FAM13B: variants seen among roughly 807,000 people sequenced by gnomAD.
FAM13B encodes protein FAM13B.
Under a neutral mutation model 117.3 loss-of-function variants are expected in FAM13B, and 60 were observed. The observed-to-expected ratio is 0.51, with a 90% CI of 0.42 to 0.63. FAM13B has a LOEUF of 0.63. Ranked by LOEUF, FAM13B falls within the 30% of genes least tolerant of loss-of-function variation. FAM13B has a pLI of 0.00. For synonymous variants in FAM13B, 332 were observed against 356.1 expected (o/e 0.93, Z 0.76); for missense variants, 972 against 1,091.9 (o/e 0.89, Z 1.55).
At chr5:137,960,109 A>G (rs566279690) in intron 12 of FAM13B, 57 bp downstream of exon 12, 14 of 1,021,544 alleles carry the variant, frequency 1.4e-5, no homozygotes, top group East Asian at 2.5e-5. Flanking sequence ...AAGACCAGAC[A>G]TAACAGTTTA....
intron 18 of FAM13B, among the ~76,000 whole-genome samples, chr5:137,947,167 C>T (rs367896901): frequency 5.3e-5 from 8 of 152,162 alleles, no homozygotes; most frequent in African/African-American, 1.9e-4. Flanking sequence ...ACAGAATATC[C>T]TTTAACACTA....
intron 10 of FAM13B, among the ~76,000 whole-genome samples, chr5:137,969,944 G>T: frequency 6.6e-6 from 1 of 152,170 alleles, no homozygotes; most frequent in Non-Finnish European, 1.5e-5. Context: ...AAGCCTCCAA[G>T]AAATATGGGA....
chr5:137,985,248 ATTCCTTACCTGGGTAT>A lies in FAM13B; in HGVS notation c.1172_1179+8del, dbSNP rs761037880. 1 of 1,610,456 alleles carries A rather than the reference ATTCCTTACCTGGGTAT, an allele frequency of 6.2e-7. No individual in the cohort carries two copies. Among genetic ancestry groups the A allele is most frequent in the South Asian group, 1.1e-5 (1 of 90,246 alleles). Reference sequence around the variant, plus strand: ...TGTACATCTAACACATATTTTTGACATTCCTTACCTGGGTATTTTCTTCATTCTCAAATACACAATC... The same window carrying A: ...TGTACATCTAACACATATTTTTGACATTTCTTCATTCTCAAATACACAATC... On this transcript the variant is annotated splice_donor_variant and splice_donor_5th_base_variant and coding_sequence_variant and intron_variant, in exon 10 of 24. Transcript: ENST00000689681. LOFTEE classifies it high-confidence loss of function.
chr5:137,962,602 G>A (rs960946838), intron 10 of FAM13B, 133 bp from the exon 11 acceptor site: 4 of 677,290 alleles, frequency 5.9e-6, no homozygotes, highest in East Asian at 2.8e-5. Flanking sequence ...ATAATAGTCT[G>A]TAGTACTTAG....
rs758978701 is a variant in FAM13B, at chr5:137,954,241, T to C, written c.1643A>G (p.Asp548Gly). The part of the protein sequence containing the change: ...CPPVLSHRSL[D>G]FGQSQRFLHD... ...TAGGAAACGCTGGCTTTGACCAAAA[T>C]CTAAACTGCGGTGTGATAATACTGG... is the stretch of plus-strand genomic sequence containing the variant. The change falls in exon 15 of 24, where the codon GAT (aspartate) becomes GGT (glycine). Residue 548 changes from aspartate (D) to glycine (G), a missense_variant. By Grantham distance (94) the Asp-to-Gly change is moderately conservative (BLOSUM62 -1). Coordinates refer to ENST00000689681, the MANE Select transcript of FAM13B (RefSeq NM_001385994.1). 7.4e-6 allele frequency: 12 copies of C among 1,613,824 alleles called. No homozygotes were observed. In the African/African-American group the frequency reaches 1.2e-4, roughly 16 times the overall value.
At chr5:137,982,215 G>T (rs1775966670) in intron 10 of FAM13B, among the ~76,000 whole-genome samples, 1 of 152,160 alleles carries the variant, frequency 6.6e-6, no homozygotes, top group Admixed American at 6.5e-5. Context: ...GAGGATGGCA[G>T]TAGAAACAGT....
In FAM13B at chr5:137,972,447, A is replaced by T. The variant is rs1223440520; in HGVS notation, c.1180-9978T>A. On this transcript the variant is annotated intron_variant, in intron 10 of 23. Coordinates refer to ENST00000689681, the MANE Select transcript of FAM13B (RefSeq NM_001385994.1). ...AAAACTCTCAATAAATTAGGTATTG[A>T]TGGGACGTATCTCAAAATAATAAGA... Among the ~76,000 whole-genome samples the T allele has an allele frequency of 2.1e-3, 312 of 151,360 alleles. 1 individual carries two copies. Among genetic ancestry groups the T allele is most frequent in the Non-Finnish European group, 2.2e-3 (149 of 67,304 alleles).
chr5:138,032,708 C>G (rs1316840039), intron 1 of FAM13B, 74 bp downstream of exon 1: 1 of 985,198 alleles, frequency 1.0e-6, no homozygotes, highest in East Asian at 1.1e-4. Flanking sequence ...CGCTGGGGGG[C>G]AACAGGAGGG....
chr5:137,962,982 C>G (rs765679955), intron 10 of FAM13B, among the ~76,000 whole-genome samples: 6 of 152,228 alleles, frequency 3.9e-5, no homozygotes, highest in East Asian at 1.9e-4. Context: ...CTATTCCCCC[C>G]CAAACTAAAA....
rs1457502693 is a variant in FAM13B at position 137,951,233 on chromosome 5, A to AAAAAT, written c.1930+1394_1930+1395insATTTT. Among the ~76,000 whole-genome samples, 43 of 147,124 alleles carry AAAAAT rather than the reference A, an allele frequency of 2.9e-4. 1 individual carries two copies. Among genetic ancestry groups the AAAAAT allele is most frequent in the Non-Finnish European group, 4.9e-4 (33 of 66,690 alleles). ...ACAAAAAAAAAAAAAAAAAAAAAAA[A>AAAAAT]GGAGAGAGAGAGAGGCAAACATTAT... On this transcript the variant is annotated intron_variant, in intron 17 of 23. Coordinates refer to ENST00000689681, the MANE Select transcript of FAM13B (RefSeq NM_001385994.1).
chr5:137,964,881 T>C (rs777050479), intron 10 of FAM13B, among the ~76,000 whole-genome samples: 91 of 151,916 alleles, frequency 6.0e-4, no homozygotes, highest in Admixed American at 2.0e-3. Context: ...AAACCATCTA[T>C]ATTGGCCAGG....
intron 4 of FAM13B, among the ~76,000 whole-genome samples, chr5:138,012,807 C>T (rs1294526060): frequency 6.6e-6 from 1 of 152,048 alleles, no homozygotes; most frequent in African/African-American, 2.4e-5. Context: ...CTGAAAAACT[C>T]CTGGTAAAAG....
chr5:138,050,488 A>G (rs963075994), intron 1 of FAM13B, among the ~76,000 whole-genome samples: 1 of 152,134 alleles, frequency 6.6e-6, no homozygotes, highest in Non-Finnish European at 1.5e-5. Context: ...CTGACATGCC[A>G]ACCTGAAAGG....
chr5:137,943,014 G>A lies in FAM13B; in HGVS notation c.2449C>T (p.Leu817=). The A allele has an allele frequency of 6.2e-7, 1 of 1,613,256 alleles. No individual in the cohort carries two copies. Among genetic ancestry groups the A allele is most frequent in the East Asian group, 2.2e-5 (1 of 44,862 alleles). The change falls in exon 22 of 24, where the codon CTG becomes TTG. Residue 817 remains leucine (L), a synonymous_variant. Transcript: ENST00000689681. The part of the protein sequence containing the change: ...IKEEEEDGVN[L]SSELGDMLKT... ...AACATATCACCTAACTCAGAGGACA[G>A]ATTAACACCATCTTCTTCTTCCTCC...
At chr5:138,039,300 G>T (rs1252517612) in intron 1 of FAM13B, 1 of 152,210 alleles carries the variant, frequency 6.6e-6, no homozygotes, top group Admixed American at 6.5e-5. Flanking sequence ...GATTCAGTGA[G>T]ATTATGACCT....
chr5:138,013,230 G>A (rs368886126), intron 4 of FAM13B, among the ~76,000 whole-genome samples: 1 of 151,194 alleles, frequency 6.6e-6, no homozygotes, highest in Admixed American at 6.6e-5. Context: ...GGCTGGGCGC[G>A]GTGGCTCACG....
chr5:138,041,918 A>G (rs1791512971), intron 1 of FAM13B, among the ~76,000 whole-genome samples: 1 of 151,896 alleles, frequency 6.6e-6, no homozygotes. Context: ...ATTAATAGCC[A>G]GGCACAGTGG....
chr5:137,973,639 A>G lies in FAM13B; in HGVS notation c.1180-11170T>C, dbSNP rs1421206168. Among the ~76,000 whole-genome samples the G allele has an allele frequency of 2.6e-5, 4 of 152,186 alleles. No homozygotes were observed. The South Asian group carries it at 6.2e-4, about 24-fold the overall frequency. ...CTGATTAAAGAGCTTCTGCACAGCA[A>G]AAGAAACTACCATCAGAGTGAACAG... On this transcript the variant is annotated intron_variant, in intron 10 of 23. Coordinates refer to ENST00000689681, the MANE Select transcript of FAM13B (RefSeq NM_001385994.1).
upstream of FAM13B, among the ~76,000 whole-genome samples, chr5:138,033,501 G>C (rs547084532): frequency 2.2e-3 from 335 of 152,304 alleles, no homozygotes; most frequent in Admixed American, 8.4e-3. Context: ...CCAGAGATGT[G>C]AGTTAGATCC....
Sources: allele counts gnomAD v4.1 joint callset (sites outside exome capture counted in the v4.1 genomes callset), GRCh38; gene constraint gnomAD v4.1.1; transcripts MANE v1.5; gene names NCBI Gene and HGNC (gene_info 2026-07-23, HGNC 2026-07-21).